Variants in BCKDHB observed in about 807,000 individuals in gnomAD.
BCKDHB encodes branched chain keto acid dehydrogenase E1 subunit beta.
Under a neutral mutation model 48.5 loss-of-function variants are expected in BCKDHB, and 41 were observed. That is an observed-to-expected ratio of 0.85 (90% confidence interval 0.66 to 1.10). The LOEUF is 1.10. Ranked by LOEUF, BCKDHB falls within the 50% of genes least tolerant of loss-of-function variation. The pLI, the probability that BCKDHB is intolerant of heterozygous loss-of-function variation, is 0.00. For missense variants in BCKDHB, 496 were observed against 494.2 expected (o/e 1.00, Z -0.03); for synonymous variants, 201 against 174.8 (o/e 1.15, Z -1.18).
the BCKDHB span, among the ~76,000 whole-genome samples, chr6:80,360,892 C>G: frequency 6.6e-6 from 1 of 151,022 alleles, no homozygotes; most frequent in Admixed American, 6.6e-5. Context: ...GTAATCCCAG[C>G]TACTCAGGAG....
intron 1 of BCKDHB, among the ~76,000 whole-genome samples, chr6:80,107,336 A>G (rs1409595519): frequency 1.4e-5 from 2 of 146,020 alleles, no homozygotes; most frequent in African/African-American, 2.5e-5. Context: ...TATATTATAT[A>G]TATTATATAT....
At chr6:80,214,139 G>A (rs936542740) in intron 8 of BCKDHB, among the ~76,000 whole-genome samples, 1 of 152,116 alleles carries the variant, frequency 6.6e-6, no homozygotes, top group Non-Finnish European at 1.5e-5. Context: ...GGGAGCAGAG[G>A]TCTTCAGCAA....
intron 9 of BCKDHB, among the ~76,000 whole-genome samples, chr6:80,333,569 T>G (rs1334523340): frequency 6.6e-6 from 1 of 152,162 alleles, no homozygotes; most frequent in Non-Finnish European, 1.5e-5. Context: ...CGGAATTGTT[T>G]GCGTGTCCAT....
rs745368116 is a variant in BCKDHB, at chr6:80,129,198, T to C, written c.312T>C (p.Phe104=). Residue 104 remains phenylalanine (F), a synonymous_variant, in exon 3 of 10, where the codon TTT becomes TTC. Coordinates refer to ENST00000320393, the MANE Select transcript of BCKDHB (RefSeq NM_183050.4). ...AAGATGTTGCCTTTGGTGGAGTCTT[T>C]AGATGCACTGTTGGCTTGCGAGACA... ...FGEDVAFGGV[F]RCTVGLRDKY... 5 of 1,611,730 alleles carry C rather than the reference T, an allele frequency of 3.1e-6. No homozygotes were observed. The highest frequency in any genetic ancestry group is 4.2e-6 in the Non-Finnish European group (5 of 1,178,388).
chr6:80,343,918 A>T lies in BCKDHB; in HGVS notation c.*114A>T. The T allele has an allele frequency of 3.0e-6, 4 of 1,342,578 alleles. No individual in the cohort carries two copies. Among genetic ancestry groups the T allele is most frequent in the Non-Finnish European group, 4.3e-6 (4 of 939,250 alleles). 83.2% of individuals were successfully genotyped at this position (1,342,578 alleles called of 1,614,324 possible). ...TTTGATGGTAACAAACTTTGATGGT[A>T]AAGTTGGTAAAAGGCAACTTTCAGA... On this transcript the variant is annotated 3_prime_UTR_variant, in exon 10 of 10. Coordinates refer to ENST00000320393, the MANE Select transcript of BCKDHB (RefSeq NM_183050.4).
chr6:80,343,696 A>G lies in BCKDHB; in HGVS notation c.1071A>G (p.Ile357Met), dbSNP rs762257853. The change falls in exon 10 of 10, where the codon ATA (isoleucine) becomes ATG (methionine). Residue 357 changes from isoleucine to methionine, a missense_variant. Transcript: ENST00000320393. Reference sequence around the variant, plus strand: ...GTTTCTTGAACCTAGAGGCTCCTATATCAAGAGTATGTGGTTATGACACAC... The same window carrying G: ...GTTTCTTGAACCTAGAGGCTCCTATGTCAAGAGTATGTGGTTATGACACAC... ...EECFLNLEAPISRVCGYDTPF... is the reference protein window; with the variant it reads ...EECFLNLEAPMSRVCGYDTPF... The G allele has an allele frequency of 8.1e-6, 13 of 1,614,038 alleles. No individual in the cohort carries two copies. Among genetic ancestry groups the G allele is most frequent in the Non-Finnish European group, 1.1e-5 (13 of 1,179,954 alleles).
At chr6:80,331,886 A>C (rs1480209505) in intron 9 of BCKDHB, among the ~76,000 whole-genome samples, 1 of 152,142 alleles carries the variant, frequency 6.6e-6, no homozygotes, top group Non-Finnish European at 1.5e-5. Flanking sequence ...CATAATTAGC[A>C]TTTGAAGAAA....
intron 6 of BCKDHB, among the ~76,000 whole-genome samples, chr6:80,181,227 GTTTA>G (rs1486411038): frequency 6.6e-6 from 1 of 152,078 alleles, no homozygotes; most frequent in Admixed American, 6.5e-5. Flanking sequence ...ACCCTCTTGA[GTTTA>G]TTTAATTTCT....
At chr6:80,369,463 G>T in the BCKDHB span, among the ~76,000 whole-genome samples, 15 of 152,152 alleles carry the variant, frequency 9.9e-5, no homozygotes, top group African/African-American at 3.1e-4. Flanking sequence ...AAAGATGGGG[G>T]TTTAGATTAT....
rs75750479 is a variant in BCKDHB at position 80,220,576 on chromosome 6, A to G, written c.951+17364A>G. Among the ~76,000 whole-genome samples the G allele has an allele frequency of 5.1e-3, 776 of 151,678 alleles. 5 individuals are homozygous for G. The highest frequency in any genetic ancestry group is 8.3e-3 in the South Asian group (40 of 4,808). ...ATGGATGAGACATTGCTTTAGGGTA[A>G]ATGAATGAGAAGTTCATCCTTAGGC... On this transcript the variant is annotated intron_variant, in intron 8 of 9. Coordinates refer to ENST00000320393, the MANE Select transcript of BCKDHB (RefSeq NM_183050.4).
At chr6:80,107,193 T>A (rs557546340) in intron 1 of BCKDHB, among the ~76,000 whole-genome samples, 1 of 151,770 alleles carries the variant, frequency 6.6e-6, no homozygotes, top group Non-Finnish European at 1.5e-5. Context: ...GCCTCCCTTT[T>A]CTCTGTCCTC....
the BCKDHB span, among the ~76,000 whole-genome samples, chr6:80,442,393 T>C: frequency 6.6e-6 from 1 of 152,204 alleles, no homozygotes; most frequent in Non-Finnish European, 1.5e-5. Flanking sequence ...TACTAAATTA[T>C]CATATCAGTT....
At chr6:80,339,852 C>G (rs183945551) in intron 9 of BCKDHB, among the ~76,000 whole-genome samples, 262 of 152,156 alleles carry the variant, frequency 1.7e-3, no homozygotes, top group African/African-American at 6.0e-3. Context: ...CAATTTTTTC[C>G]CTTATCATTG....
intron 6 of BCKDHB, among the ~76,000 whole-genome samples, chr6:80,174,902 G>A (rs899292634): frequency 2.6e-5 from 4 of 152,056 alleles, no homozygotes; most frequent in African/African-American, 9.7e-5. Context: ...TTAAGACCTT[G>A]TATTTTATTT....
the BCKDHB span, among the ~76,000 whole-genome samples, chr6:80,451,683 C>T: frequency 6.6e-6 from 1 of 150,906 alleles, no homozygotes. Context: ...GAGCGGAGAT[C>T]ACACCACTAT....
the BCKDHB span, among the ~76,000 whole-genome samples, chr6:80,362,938 T>C: frequency 2.0e-3 from 309 of 152,310 alleles, 1 homozygote; most frequent in African/African-American, 6.8e-3. Flanking sequence ...AAAGCACCTC[T>C]AAAGAAGACT....
chr6:80,167,751 T>A lies in BCKDHB; in HGVS notation c.417T>A (p.Thr139=), dbSNP rs765097275. ...GATTTGGAATCGGAATTGCGGTCAC[T>A]GGAGCTACTGCCATTGCGGAAATTC... The part of the protein sequence containing the change: ...IVGFGIGIAV[T]GATAIAEIQF... Residue 139 remains threonine (T), a synonymous_variant, in exon 4 of 10, where the codon ACT becomes ACA. Coordinates refer to ENST00000320393, the MANE Select transcript of BCKDHB (RefSeq NM_183050.4). 1.9e-6 allele frequency: 3 copies of A among 1,613,780 alleles called. No homozygotes were observed. Among genetic ancestry groups the A allele is most frequent in the Non-Finnish European group, 2.5e-6 (3 of 1,179,674 alleles).
At chr6:80,398,313 G>A in the BCKDHB span, among the ~76,000 whole-genome samples, 11 of 151,342 alleles carry the variant, frequency 7.3e-5, no homozygotes, top group Admixed American at 1.3e-4. Flanking sequence ...AAAAAAATAA[G>A]AGAGATAGAC....
chr6:80,213,380 TTGAC>T (rs745691502), intron 8 of BCKDHB, among the ~76,000 whole-genome samples: 4 of 152,196 alleles, frequency 2.6e-5, no homozygotes, highest in East Asian at 1.9e-4. Context: ...CAAAGTGAAA[TTGAC>T]TGTACAGTAA....
Sources: allele counts gnomAD v4.1 joint callset (sites outside exome capture counted in the v4.1 genomes callset), GRCh38; gene constraint gnomAD v4.1.1; transcripts MANE v1.5; gene names NCBI Gene and HGNC (gene_info 2026-07-23, HGNC 2026-07-21).